The following CACNA1C variants were observed in gnomAD, a reference collection of about 807,000 sequenced individuals.
The protein encoded by CACNA1C is calcium voltage-gated channel subunit alpha1 C.
A neutral mutation model predicts 229.0 loss-of-function variants in CACNA1C; 30 were observed. That is an observed-to-expected ratio of 0.13 (90% confidence interval 0.10 to 0.18). The LOEUF (loss-of-function observed/expected upper bound fraction) is 0.18, where lower values mean the gene tolerates loss of function less well. CACNA1C is among the 10% of genes least tolerant of loss of function. The pLI, the probability that CACNA1C is intolerant of heterozygous loss-of-function variation, is 1.00. For missense variants in CACNA1C, 1,658 were observed against 2,845.0 expected (o/e 0.58, Z 9.49); for synonymous variants, 1,114 against 1,132.5 (o/e 0.98, Z 0.33).
chr12:2,385,174 C>G lies in CACNA1C; in HGVS notation c.478-63802C>G, dbSNP rs1296998511. Among the ~76,000 whole-genome samples, 6 of 152,172 alleles carry G rather than the reference C, an allele frequency of 3.9e-5. No homozygotes were observed. In the South Asian group the frequency reaches 6.2e-4, roughly 16 times the overall value. Reference sequence around the variant, plus strand: ...GAAGTTAAGAAAGTGAAAACATGAGCAAATGCCAGTGTGATGGAATCAGAG... The same window carrying G: ...GAAGTTAAGAAAGTGAAAACATGAGGAAATGCCAGTGTGATGGAATCAGAG... On this transcript the variant is annotated intron_variant, in intron 3 of 46. Coordinates refer to ENST00000399655, the MANE Select transcript of CACNA1C (RefSeq NM_000719.7).
chr12:2,330,404 A>C (rs938250334), intron 3 of CACNA1C, among the ~76,000 whole-genome samples: 6 of 152,198 alleles, frequency 3.9e-5, no homozygotes, highest in Non-Finnish European at 8.8e-5. Context: ...AAGAATAATA[A>C]CTAAGATTTA....
chr12:2,058,727 C>T (rs930669912), intron 1 of CACNA1C, among the ~76,000 whole-genome samples: 2 of 152,120 alleles, frequency 1.3e-5, no homozygotes, highest in African/African-American at 2.4e-5. Flanking sequence ...CAGGATCCCT[C>T]GGGGAAAATG....
chr12:2,042,298 A>T (rs1458494215), intron 1 of CACNA1C, among the ~76,000 whole-genome samples: 1 of 152,018 alleles, frequency 6.6e-6, no homozygotes, highest in Non-Finnish European at 1.5e-5. Flanking sequence ...CAACAAAAAG[A>T]GGCTTATAAA....
intron 38 of CACNA1C, among the ~76,000 whole-genome samples, chr12:2,670,563 A>T (rs1009514541): frequency 6.6e-6 from 1 of 152,172 alleles, no homozygotes; most frequent in African/African-American, 2.4e-5. Flanking sequence ...GCTGATTTTT[A>T]AAAAATAAAA....
intron 3 of CACNA1C, among the ~76,000 whole-genome samples, chr12:2,364,977 C>T (rs1330593644): frequency 6.6e-6 from 1 of 152,222 alleles, no homozygotes; most frequent in Non-Finnish European, 1.5e-5. Context: ...GAGGAAGCAA[C>T]AGCCCCTGCC....
At chr12:2,417,281 T>C (rs561919232) in intron 3 of CACNA1C, among the ~76,000 whole-genome samples, 1 of 152,346 alleles carries the variant, frequency 6.6e-6, no homozygotes, top group East Asian at 1.9e-4. Context: ...TGTCCTGTCA[T>C]GATCAGCTTC....
At chr12:2,682,421 CGTG>C (rs1368960108) in intron 42 of CACNA1C, 126 bp from the exon 43 acceptor site, 1 of 1,080,918 alleles carries the variant, frequency 9.3e-7, no homozygotes, top group Non-Finnish European at 1.3e-6. Flanking sequence ...TGCCTGTTCA[CGTG>C]TGTGTGCTTG....
At position 2,403,868 on chromosome 12, in the gene CACNA1C, G is replaced by A. The variant is rs2098706436; in HGVS notation, c.478-45108G>A. Among the ~76,000 whole-genome samples, 1 of 152,150 alleles carries A rather than the reference G, an allele frequency of 6.6e-6. No individual in the cohort carries two copies. The highest frequency in any genetic ancestry group is 2.1e-4 in the South Asian group (1 of 4,828). On this transcript the variant is annotated intron_variant, in intron 3 of 46. Transcript: ENST00000399655. The surrounding 1 kb of genome is among the most constrained non-coding windows in gnomAD (Gnocchi z 4.1). Reference sequence around the variant, plus strand: ...CCGTGGACCACAGCTCTGCTCTGGGGCCCCAGGGACTTTCTCAGAGATGCC... The same window carrying A: ...CCGTGGACCACAGCTCTGCTCTGGGACCCCAGGGACTTTCTCAGAGATGCC...
intron 8 of CACNA1C, among the ~76,000 whole-genome samples, chr12:2,507,994 G>A (rs1031375961): frequency 3.3e-5 from 5 of 152,218 alleles, no homozygotes; most frequent in Admixed American, 6.5e-5. Context: ...CACAGACTGC[G>A]GGAAACAGCC....
chr12:2,569,470 C>A (rs368609705), intron 13 of CACNA1C, among the ~76,000 whole-genome samples: 5 of 152,260 alleles, frequency 3.3e-5, no homozygotes, highest in African/African-American at 1.2e-4. Flanking sequence ...CCCCATCTTC[C>A]CTCCCAGCAA....
At chr12:1,970,870 A>G, upstream of CACNA1C, 1 of 296,050 alleles carries the variant, frequency 3.4e-6, no homozygotes. Context: ...TGTTTTTTAG[A>G]ATTCTAAAAC....
At chr12:2,599,495 A>G (rs1273830696) in intron 21 of CACNA1C, among the ~76,000 whole-genome samples, 2 of 152,214 alleles carry the variant, frequency 1.3e-5, no homozygotes, top group Non-Finnish European at 2.9e-5. Context: ...AATCAAGACC[A>G]ATGAGTAGAA....
In CACNA1C at chr12:2,597,639, C is replaced by T. The variant is rs2069044668; in HGVS notation, c.2853+350C>T. On this transcript the variant is annotated intron_variant, in intron 21 of 46. Coordinates refer to ENST00000399655, the MANE Select transcript of CACNA1C (RefSeq NM_000719.7). This position sits in a 1 kb window ranked among gnomAD's most constrained non-coding sequence, Gnocchi z 4.3. ...TGAAATTGGAAAAATGAGTGCCCCT[C>T]ACTTTGTGTGATGCACTTTGCCCAG... is the stretch of plus-strand genomic sequence containing the variant. 2.9e-6 allele frequency: 2 copies of T among 700,176 alleles called. No homozygotes were observed. Among genetic ancestry groups the T allele is most frequent in the Non-Finnish European group, 5.0e-6 (2 of 397,702 alleles). 43.4% of individuals were successfully genotyped at this position (700,176 alleles called of 1,614,324 possible). A position where few individuals can be genotyped will look rare whatever the true frequency, so the allele number is the denominator to read the frequency against.
At position 2,584,613 on chromosome 12, in the gene CACNA1C, G is replaced by A. The variant is rs757994148; in HGVS notation, c.2335G>A (p.Ala779Thr). 1.2e-6 allele frequency: 2 copies of A among 1,609,274 alleles called. No homozygotes were observed. The highest frequency in any genetic ancestry group is 2.2e-5 in the South Asian group (2 of 90,666). Reference sequence around the variant, plus strand: ...AGAGGAGAAGGAGAGAAAGAAGCTGGCCAGGTAACCCTCTAAGCTTGCCCA... The same window carrying A: ...AGAGGAGAAGGAGAGAAAGAAGCTGACCAGGTAACCCTCTAAGCTTGCCCA... ...EEEEKERKKL[A>T]RTASPEKKQE... Residue 779 changes from alanine (A) to threonine (T), a missense_variant, in exon 16 of 47, where the codon GCC (alanine) becomes ACC (threonine). Coordinates refer to ENST00000399655, the MANE Select transcript of CACNA1C (RefSeq NM_000719.7).
chr12:2,370,900 C>T (rs971385699), intron 3 of CACNA1C, among the ~76,000 whole-genome samples: 1 of 152,112 alleles, frequency 6.6e-6, no homozygotes, highest in African/African-American at 2.4e-5. Context: ...AGTCCCTATG[C>T]TCTGTACAGT....
At position 2,493,424 on chromosome 12, in the gene CACNA1C, C is replaced by A; in HGVS notation, c.1113+38C>A. 6.5e-7 allele frequency: 1 copy of A among 1,533,854 alleles called. No individual in the cohort carries two copies. The highest frequency in any genetic ancestry group is 9.0e-7 in the Non-Finnish European group (1 of 1,108,622). ...AGTGGGCAGTCAGAGGGTGGGGGAACAGCGGCCGTGAACCCTTCCCTGACA... is the reference window on the plus strand; with the variant it reads ...AGTGGGCAGTCAGAGGGTGGGGGAAAAGCGGCCGTGAACCCTTCCCTGACA... On this transcript the variant is annotated intron_variant, in intron 7 of 46. Coordinates refer to ENST00000399655, the MANE Select transcript of CACNA1C (RefSeq NM_000719.7). The surrounding 1 kb of genome is among the most constrained non-coding windows in gnomAD (Gnocchi z 4.6).
intron 3 of CACNA1C, among the ~76,000 whole-genome samples, chr12:2,186,236 C>G (rs1245070330): frequency 1.3e-5 from 2 of 152,204 alleles, no homozygotes; most frequent in Admixed American, 6.5e-5. Context: ...TTCCCTGGTT[C>G]CCTCCCGGCA....
chr12:2,368,471 A>G (rs2097774917), intron 3 of CACNA1C, among the ~76,000 whole-genome samples: 1 of 152,230 alleles, frequency 6.6e-6, no homozygotes, highest in Non-Finnish European at 1.5e-5. Flanking sequence ...AGTAGTTTTT[A>G]TGTACCAAAA....
intron 1 of CACNA1C, among the ~76,000 whole-genome samples, chr12:2,057,280 G>A (rs1169603210): frequency 2.0e-5 from 3 of 152,214 alleles, no homozygotes; most frequent in African/African-American, 4.8e-5. Flanking sequence ...AGTACAGGCC[G>A]CTGCTCAGTC....
Sources: gnomAD v4.1 joint callset for allele counts (sites outside exome capture counted in the v4.1 genomes callset) on GRCh38, gnomAD v4.1.1 for gene constraint, Gnocchi (gnomAD v3.1) non-coding constraint, MANE v1.5 for transcripts, NCBI Gene and HGNC (gene_info 2026-07-23, HGNC 2026-07-21) for gene names.